Variants in ZNF385D observed in about 807,000 individuals in gnomAD.
ZNF385D encodes the protein zinc finger protein 385D.
A neutral mutation model predicts 35.8 loss-of-function variants in ZNF385D; 15 were observed. That is an observed-to-expected ratio of 0.42 (90% confidence interval 0.28 to 0.64). ZNF385D has a LOEUF of 0.64. Among genes scored for constraint, ZNF385D ranks in the 30% least tolerant of loss-of-function variants. ZNF385D has a pLI of 0.23. For synonymous variants in ZNF385D, 212 were observed against 186.8 expected (o/e 1.13, Z -1.10); for missense variants, 474 against 494.6 (o/e 0.96, Z 0.39).
intron 3 of ZNF385D, among the ~76,000 whole-genome samples, chr3:21,891,789 T>C (rs1698882075): frequency 1.3e-5 from 2 of 152,212 alleles, no homozygotes; most frequent in Non-Finnish European, 1.5e-5. Context: ...AATGGTATAT[T>C]TTTAAAGTTC....
chr3:21,792,302 T>A (rs553809891), intron 3 of ZNF385D, among the ~76,000 whole-genome samples: 2 of 152,298 alleles, frequency 1.3e-5, no homozygotes, highest in South Asian at 2.1e-4. Context: ...ACCTGGAGAT[T>A]TATTGAGTTG....
At chr3:21,536,974 C>T (rs2062049425) in intron 3 of ZNF385D, among the ~76,000 whole-genome samples, 1 of 151,828 alleles carries the variant, frequency 6.6e-6, no homozygotes, top group South Asian at 2.1e-4. Flanking sequence ...AGAGTCATGA[C>T]TACAGTAAGG....
intron 3 of ZNF385D, among the ~76,000 whole-genome samples, chr3:21,859,363 T>C (rs1215826799): frequency 1.3e-5 from 2 of 151,884 alleles, no homozygotes; most frequent in Non-Finnish European, 2.9e-5. Flanking sequence ...CATGTGTGGC[T>C]TTATCTTTCC....
intron 2 of ZNF385D, among the ~76,000 whole-genome samples, chr3:22,297,291 T>C (rs1702639886): frequency 1.3e-5 from 2 of 151,904 alleles, no homozygotes; most frequent in African/African-American, 4.8e-5. Context: ...AAATGACATA[T>C]CCCAAATCAA....
At chr3:21,910,079 T>C (rs1699888115) in intron 3 of ZNF385D, among the ~76,000 whole-genome samples, 2 of 122,870 alleles carry the variant, frequency 1.6e-5, no homozygotes, top group Non-Finnish European at 3.5e-5. Flanking sequence ...GTTAAACATA[T>C]ATTTTACACA....
intron 3 of ZNF385D, among the ~76,000 whole-genome samples, chr3:22,104,798 T>C (rs552223508): frequency 6.6e-6 from 1 of 152,266 alleles, no homozygotes; most frequent in South Asian, 2.1e-4. Context: ...CCACGAAGTA[T>C]ACTACCTGAA....
At chr3:22,359,655 G>A (rs1286724983) in intron 2 of ZNF385D, among the ~76,000 whole-genome samples, 1 of 151,810 alleles carries the variant, frequency 6.6e-6, no homozygotes, top group Admixed American at 6.6e-5. Flanking sequence ...CCTTGGTATT[G>A]AGAGACAGTC....
At chr3:22,060,363 A>G (rs1699628663) in intron 3 of ZNF385D, among the ~76,000 whole-genome samples, 1 of 152,212 alleles carries the variant, frequency 6.6e-6, no homozygotes, top group Admixed American at 6.5e-5. Context: ...TGAAAAATTA[A>G]TGTTTAACAC....
intron 3 of ZNF385D, among the ~76,000 whole-genome samples, chr3:21,796,402 A>G (rs1203469004): frequency 6.6e-6 from 1 of 152,234 alleles, no homozygotes; most frequent in African/African-American, 2.4e-5. Context: ...ATATTGGCAA[A>G]TCTAATCCAA....
chr3:21,699,056 C>G (rs190080625), intron 1 of ZNF385D, among the ~76,000 whole-genome samples: 1 of 152,112 alleles, frequency 6.6e-6, no homozygotes, highest in African/African-American at 2.4e-5. Context: ...TATTGTGGCA[C>G]TGTTCACAAT....
intron 3 of ZNF385D, among the ~76,000 whole-genome samples, chr3:21,929,199 T>A (rs1700885565): frequency 1.3e-5 from 2 of 152,004 alleles, no homozygotes; most frequent in African/African-American, 4.8e-5. Context: ...TAATATACCA[T>A]ATCAATAAAA....
At chr3:21,691,428 C>G (rs1575470145) in intron 1 of ZNF385D, among the ~76,000 whole-genome samples, 1 of 152,118 alleles carries the variant, frequency 6.6e-6, no homozygotes, top group Admixed American at 6.5e-5. Context: ...CCTCCACATT[C>G]ATTCACCAAA....
chr3:21,711,454 A>G (rs990375696), intron 1 of ZNF385D, among the ~76,000 whole-genome samples: 10 of 152,210 alleles, frequency 6.6e-5, no homozygotes, highest in Non-Finnish European at 1.5e-4. Context: ...TCAGAAATTT[A>G]GAAATGATTC....
chr3:21,606,227 G>A (rs2064478755), intron 2 of ZNF385D, among the ~76,000 whole-genome samples: 3 of 152,116 alleles, frequency 2.0e-5, no homozygotes, highest in Admixed American at 2.0e-4. Context: ...GCTTTTCTGG[G>A]CTCCAGCAAC....
intron 2 of ZNF385D, among the ~76,000 whole-genome samples, chr3:21,589,216 A>C (rs1282863788): frequency 6.6e-6 from 1 of 152,182 alleles, no homozygotes; most frequent in African/African-American, 2.4e-5. Context: ...AGGCTGAAGG[A>C]AGTACAGAAG....
At chr3:22,297,565 C>T (rs543192632) in intron 2 of ZNF385D, among the ~76,000 whole-genome samples, 211 of 152,168 alleles carry the variant, frequency 1.4e-3, no homozygotes, top group African/African-American at 4.5e-3. Context: ...AAGTCCAGAG[C>T]AGAAGCCCCA....
At chr3:22,004,114 G>A (rs1437222026) in intron 3 of ZNF385D, among the ~76,000 whole-genome samples, 1 of 151,964 alleles carries the variant, frequency 6.6e-6, no homozygotes, top group African/African-American at 2.4e-5. Context: ...ATAAACCAAT[G>A]GAACAGAAGA....
chr3:21,486,107 T>C (rs1040017350), intron 4 of ZNF385D, among the ~76,000 whole-genome samples: 6 of 137,374 alleles, frequency 4.4e-5, no homozygotes, highest in Admixed American at 7.8e-5. Context: ...AATTTAGAAG[T>C]TGGCCGTCTC....
chr3:21,631,024 A>G (rs1038127919), intron 2 of ZNF385D, among the ~76,000 whole-genome samples: 12 of 152,116 alleles, frequency 7.9e-5, no homozygotes, highest in Admixed American at 4.6e-4. Flanking sequence ...TTCAACTCAT[A>G]TGAGGGAATG....
Sources: allele counts gnomAD v4.1 joint callset (sites outside exome capture counted in the v4.1 genomes callset), GRCh38; gene constraint gnomAD v4.1.1; transcripts MANE v1.5; gene names NCBI Gene and HGNC (gene_info 2026-07-23, HGNC 2026-07-21).